Variants in ZNF521 observed in about 807,000 individuals in gnomAD.
ZNF521 encodes the protein LYST-interacting protein 3.
Under a neutral mutation model 105.5 loss-of-function variants are expected in ZNF521, and 14 were observed. The observed-to-expected ratio is 0.13, with a 90% confidence interval of 0.09 to 0.21. The LOEUF is 0.21. Ranked by LOEUF, ZNF521 falls within the 10% of genes least tolerant of loss-of-function variation. The pLI, the probability that ZNF521 is intolerant of heterozygous loss-of-function variation, is 1.00. For missense variants in ZNF521, 1,233 were observed against 1,629.7 expected (o/e 0.76, Z 4.19); for synonymous variants, 635 against 606.0 (o/e 1.05, Z -0.70).
chr18:25,327,937 C>T (rs914265673), intron 2 of ZNF521, among the ~76,000 whole-genome samples: 4 of 152,118 alleles, frequency 2.6e-5, no homozygotes, highest in African/African-American at 7.2e-5. Context: ...GGAACCACAT[C>T]GGCCTCAACT....
At chr18:25,133,678 G>T (rs1456601296) in intron 5 of ZNF521, among the ~76,000 whole-genome samples, 2 of 152,116 alleles carry the variant, frequency 1.3e-5, no homozygotes, top group Non-Finnish European at 2.9e-5. Context: ...TTTACCTCCT[G>T]TTACCAAATC....
At position 25,079,665 on chromosome 18, in the gene ZNF521, GA is replaced by G. The variant is rs1567952261; in HGVS notation, c.3906+9799del. 2.1e-5 allele frequency among the ~76,000 whole-genome samples: 3 copies of G among 141,754 alleles called. No homozygotes were observed. The East Asian group carries it at 5.8e-4, about 28-fold the overall frequency. 93.0% of individuals were successfully genotyped at this position (141,754 alleles called of 152,430 possible). ...AAGACAGCTAGGAAGTGAGCGCACA[GA>G]TGGTGGGGGGGACGCAGGGTGCTCT... On this transcript the variant is annotated intron_variant, in intron 7 of 7. Coordinates refer to ENST00000361524, the MANE Select transcript of ZNF521 (RefSeq NM_015461.3).
intron 7 of ZNF521, among the ~76,000 whole-genome samples, chr18:25,069,203 T>C (rs1007726338): frequency 6.6e-6 from 1 of 152,216 alleles, no homozygotes; most frequent in African/African-American, 2.4e-5. Context: ...ATTTCCATCC[T>C]CTCTCCTTTT....
chr18:25,165,085 C>A (rs1334290197), intron 5 of ZNF521, among the ~76,000 whole-genome samples: 1 of 152,160 alleles, frequency 6.6e-6, no homozygotes, highest in Non-Finnish European at 1.5e-5. Context: ...ACTCTTTTAA[C>A]CCCATATGGT....
At chr18:25,255,721 C>G (rs372967105) in intron 3 of ZNF521, among the ~76,000 whole-genome samples, 1 of 151,788 alleles carries the variant, frequency 6.6e-6, no homozygotes. Flanking sequence ...TCTCAAGTCT[C>G]GTAACATAGT....
chr18:25,273,146 G>C (rs954256426), intron 3 of ZNF521, among the ~76,000 whole-genome samples: 2 of 135,118 alleles, frequency 1.5e-5, no homozygotes, highest in Non-Finnish European at 3.0e-5. Context: ...AGAATCACTT[G>C]AGCCCAGGAT....
intron 5 of ZNF521, among the ~76,000 whole-genome samples, chr18:25,134,889 G>C (rs1359471656): frequency 6.6e-6 from 1 of 151,972 alleles, no homozygotes; most frequent in Non-Finnish European, 1.5e-5. Flanking sequence ...GGTGGGGAGG[G>C]GGTGCTTAGT....
intron 4 of ZNF521, chr18:25,202,262 T>C (rs972699031): frequency 6.6e-6 from 1 of 152,082 alleles, no homozygotes; most frequent in African/African-American, 2.4e-5. Context: ...CAACCTCTGG[T>C]TGAAAAATTT....
intron 4 of ZNF521, among the ~76,000 whole-genome samples, chr18:25,208,919 T>A (rs999937219): frequency 5.9e-5 from 9 of 152,286 alleles, no homozygotes; most frequent in East Asian, 1.9e-4. Flanking sequence ...TAGCTTTTAA[T>A]ACAGCTTATT....
chr18:25,222,887 G>T (rs1445577832), intron 4 of ZNF521, among the ~76,000 whole-genome samples: 2 of 152,168 alleles, frequency 1.3e-5, no homozygotes, highest in African/African-American at 4.8e-5. Flanking sequence ...CTTAGGAGAT[G>T]TCATGATACC....
intron 3 of ZNF521, among the ~76,000 whole-genome samples, chr18:25,270,506 A>T (rs1159426992): frequency 6.6e-6 from 1 of 152,210 alleles, no homozygotes; most frequent in Non-Finnish European, 1.5e-5. Context: ...TCGCTGATGA[A>T]CATTGATGCA....
intron 5 of ZNF521, among the ~76,000 whole-genome samples, chr18:25,120,494 G>C (rs532848350): frequency 8.5e-4 from 129 of 151,294 alleles, no homozygotes; most frequent in African/African-American, 2.5e-3. Flanking sequence ...TGAGGCAGGT[G>C]AATCACTTGA....
intron 5 of ZNF521, among the ~76,000 whole-genome samples, chr18:25,158,057 T>G (rs2144511692): frequency 6.6e-6 from 1 of 152,114 alleles, no homozygotes; most frequent in African/African-American, 2.4e-5. Flanking sequence ...CCTGGCCTAC[T>G]TAACCTTTTA....
At chr18:25,207,626 G>A (rs956535669) in intron 4 of ZNF521, among the ~76,000 whole-genome samples, 1 of 152,144 alleles carries the variant, frequency 6.6e-6, no homozygotes, top group Admixed American at 6.5e-5. Flanking sequence ...GTGAAAGGGT[G>A]CATGAACTAC....
chr18:25,188,467 ATG>A (rs147588543), intron 5 of ZNF521, among the ~76,000 whole-genome samples: 1 of 152,070 alleles, frequency 6.6e-6, no homozygotes, highest in Admixed American at 6.6e-5. Flanking sequence ...ATAGGTCACG[ATG>A]TGTGTGTGTG....
At chr18:25,082,317 G>T (rs1010316916) in intron 7 of ZNF521, among the ~76,000 whole-genome samples, 63 of 152,296 alleles carry the variant, frequency 4.1e-4, no homozygotes, top group African/African-American at 1.5e-3. Context: ...TGGATCTAAG[G>T]ATGTAAAGAG....
At chr18:25,290,465 C>A (rs73395125) in intron 3 of ZNF521, among the ~76,000 whole-genome samples, 3,799 of 152,158 alleles carry the variant, frequency 0.025, 131 homozygotes, top group African/African-American at 0.071. Context: ...CTGGGCCCCT[C>A]GCTGGGAGCC....
chr18:25,086,532 C>T (rs2033626936), intron 7 of ZNF521, among the ~76,000 whole-genome samples: 1 of 152,060 alleles, frequency 6.6e-6, no homozygotes, highest in South Asian at 2.1e-4. Flanking sequence ...GAAACTAGAC[C>T]CACATAGAGA....
chr18:25,083,219 A>C (rs552289030), intron 7 of ZNF521, among the ~76,000 whole-genome samples: 7 of 152,318 alleles, frequency 4.6e-5, no homozygotes, highest in Non-Finnish European at 8.8e-5. Context: ...GTTAAAAACC[A>C]AAACAAAGCC....
Sources: allele counts gnomAD v4.1 joint callset (sites outside exome capture counted in the v4.1 genomes callset), GRCh38; gene constraint gnomAD v4.1.1; transcripts MANE v1.5; gene names NCBI Gene and HGNC (gene_info 2026-07-23, HGNC 2026-07-21).